The following MTMR9 variants were observed in gnomAD, a reference collection of about 807,000 sequenced individuals.
The protein encoded by MTMR9 is myotubularin-related protein 9.
MTMR9 carries 39 observed loss-of-function variants against 69.5 expected under a neutral mutation model. The ratio of observed to expected loss-of-function variants is 0.56; its 90% CI spans 0.43 to 0.73. MTMR9 has a LOEUF of 0.73. MTMR9 is among the 30% of genes least tolerant of loss of function. The pLI is 0.00. For missense variants in MTMR9, 900 were observed against 671.2 expected (o/e 1.34, Z -3.77); for synonymous variants, 354 against 240.8 (o/e 1.47, Z -4.35).
At chr8:11,287,265 C>T (rs1181089876) in intron 1 of MTMR9, among the ~76,000 whole-genome samples, 3 of 152,182 alleles carry the variant, frequency 2.0e-5, no homozygotes, top group African/African-American at 2.4e-5. Flanking sequence ...GTAGTTTCTC[C>T]ATGACCATCA....
Position 11,324,788 on chromosome 8 carries a change from T to G in MTMR9, c.*2000T>G, listed in dbSNP as rs1800852755. The G allele has an allele frequency of 6.6e-6, 1 of 152,268 alleles. No homozygotes were observed. The highest frequency in any genetic ancestry group is 1.5e-5 in the Non-Finnish European group (1 of 68,128). 9.4% of individuals were successfully genotyped at this position (152,268 alleles called of 1,614,324 possible). A position where few individuals can be genotyped will look rare whatever the true frequency, so the allele number is the denominator to read the frequency against. ...AGAAGGATCCCTTGAGCCTAGGAGG[T>G]TGAGGCTGCAGTGAGCTATGATCGC... is the stretch of plus-strand genomic sequence containing the variant. On this transcript the variant is annotated 3_prime_UTR_variant, in exon 10 of 10. Transcript: ENST00000221086.
downstream of MTMR9, among the ~76,000 whole-genome samples, chr8:11,329,961 C>T (rs533369140): frequency 5.6e-4 from 85 of 151,620 alleles, no homozygotes; most frequent in African/African-American, 1.5e-3. Flanking sequence ...CGTCTCTGCC[C>T]GGCCGCCCTG....
chr8:11,336,641 CA>C, the MTMR9 span, among the ~76,000 whole-genome samples: 1 of 152,186 alleles, frequency 6.6e-6, no homozygotes, highest in Non-Finnish European at 1.5e-5. Context: ...GGAAAGTAAG[CA>C]AATATACCCT....
rs1055454964 is a variant in MTMR9, at chr8:11,327,041, C to A, written c.*4253C>A. 8.6e-5 allele frequency: 13 copies of A among 150,642 alleles called. No individual in the cohort carries two copies. The highest frequency in any genetic ancestry group is 2.9e-4 in the African/African-American group (12 of 40,996). The allele number at this position is 150,642 out of a possible 1,614,324, so 9.3% of individuals were successfully genotyped here. A position where few individuals can be genotyped will look rare whatever the true frequency, so the allele number is the denominator to read the frequency against. ...TCAGATGATAAAATATATACTGATACTATAACTTTCTTATGGTATCAGTTT... is the reference window on the plus strand; with the variant it reads ...TCAGATGATAAAATATATACTGATAATATAACTTTCTTATGGTATCAGTTT... On this transcript the variant is annotated 3_prime_UTR_variant, in exon 10 of 10. Coordinates refer to ENST00000221086, the MANE Select transcript of MTMR9 (RefSeq NM_015458.4).
chr8:11,332,501 T>A (rs1801275467), downstream of MTMR9, among the ~76,000 whole-genome samples: 1 of 151,972 alleles, frequency 6.6e-6, no homozygotes, highest in Non-Finnish European at 1.5e-5. Flanking sequence ...AATATAAAAA[T>A]TATAGAAAGG....
intron 2 of MTMR9, chr8:11,298,814 C>G (rs1799650533): frequency 5.1e-6 from 5 of 982,490 alleles, no homozygotes; most frequent in African/African-American, 1.8e-5. Flanking sequence ...TTCCTTCTCT[C>G]TGTTCCTCCC....
intron 5 of MTMR9, among the ~76,000 whole-genome samples, chr8:11,307,032 A>C (rs1052482197): frequency 6.6e-6 from 1 of 152,160 alleles, no homozygotes; most frequent in Non-Finnish European, 1.5e-5. Flanking sequence ...ATCCAGGTTC[A>C]TCTGTGCTAT....
intron 2 of MTMR9, among the ~76,000 whole-genome samples, chr8:11,295,825 C>G (rs1163325312): frequency 1.3e-5 from 2 of 152,018 alleles, no homozygotes; most frequent in Non-Finnish European, 2.9e-5. Flanking sequence ...GTTAGAATTG[C>G]TTTTAGTCAC....
intron 8 of MTMR9, 161 bp downstream of exon 8, chr8:11,317,054 A>G (rs968409011): frequency 4.1e-6 from 2 of 483,854 alleles, no homozygotes; most frequent in Non-Finnish European, 7.1e-6. Flanking sequence ...CCTGAAGTAT[A>G]TTCTTTTATG....
chr8:11,305,104 C>T (rs1410929958), intron 4 of MTMR9, 90 bp downstream of exon 4: 4 of 1,243,208 alleles, frequency 3.2e-6, no homozygotes, highest in Non-Finnish European at 4.5e-6. Flanking sequence ...TCTGTCTGTT[C>T]ACTGAAATGA....
downstream of MTMR9, chr8:11,332,060 C>T: frequency 1.2e-6 from 2 of 1,611,740 alleles, no homozygotes; most frequent in Non-Finnish European, 1.7e-6. Flanking sequence ...TTGTGCTGGG[C>T]AGCATTGCCA....
chr8:11,329,726 C>T (rs536049911), downstream of MTMR9, among the ~76,000 whole-genome samples: 5 of 152,352 alleles, frequency 3.3e-5, no homozygotes, highest in Admixed American at 6.5e-5. Flanking sequence ...AGCCTCTGCC[C>T]GGCCGCCACC....
At chr8:11,313,213 T>C (rs1214429193) in intron 6 of MTMR9, among the ~76,000 whole-genome samples, 2 of 152,240 alleles carry the variant, frequency 1.3e-5, no homozygotes, top group East Asian at 3.8e-4. Flanking sequence ...TTCCAACTTT[T>C]CTTCTACAGC....
At chr8:11,289,934 C>G (rs1389788980) in intron 1 of MTMR9, among the ~76,000 whole-genome samples, 1 of 152,196 alleles carries the variant, frequency 6.6e-6, no homozygotes, top group African/African-American at 2.4e-5. Context: ...TAAACATACT[C>G]ATTCATGTCC....
intron 1 of MTMR9, among the ~76,000 whole-genome samples, chr8:11,288,564 A>G (rs2117348830): frequency 6.6e-6 from 1 of 152,096 alleles, no homozygotes; most frequent in South Asian, 2.1e-4. Flanking sequence ...CAGCGAATAC[A>G]AAGACTTGAG....
chr8:11,292,873 C>G (rs1799417470), intron 1 of MTMR9, among the ~76,000 whole-genome samples: 1 of 152,150 alleles, frequency 6.6e-6, no homozygotes, highest in Non-Finnish European at 1.5e-5. Flanking sequence ...AGTTACACAA[C>G]AATGTAGCAC....
At position 11,306,238 on chromosome 8, in the gene MTMR9, T is replaced by A. The variant is rs1202326685; in HGVS notation, c.640T>A (p.Cys214Ser). Residue 214 changes from cysteine (C) to serine (S), a missense_variant, in exon 5 of 10, where the codon TGC becomes AGC. By Grantham distance (112) the Cys-to-Ser change is moderately radical (BLOSUM62 -1). Coordinates refer to ENST00000221086, the MANE Select transcript of MTMR9 (RefSeq NM_015458.4). Reference protein sequence around the residue: ...QPLTGTNGRRCKEDEKLINAT... With the variant: ...QPLTGTNGRRSKEDEKLINAT... ...ACTCACTGGTACAAACGGGAGGAGGTGCAAGGAGGACGAGAAGCTGATAAA... is the reference window on the plus strand; with the variant it reads ...ACTCACTGGTACAAACGGGAGGAGGAGCAAGGAGGACGAGAAGCTGATAAA... 6.2e-7 allele frequency: 1 copy of A among 1,613,502 alleles called. No homozygotes were observed. Among genetic ancestry groups the A allele is most frequent in the South Asian group, 1.1e-5 (1 of 91,038 alleles).
chr8:11,306,149 A>C, intron 4 of MTMR9, 41 bp from the exon 5 acceptor site: 1 of 1,572,576 alleles, frequency 6.4e-7, no homozygotes, highest in Non-Finnish European at 8.7e-7. Context: ...GAAACTTTAA[A>C]AGCAACTGCT....
At chr8:11,291,737 GAGTT>G (rs1247651088) in intron 1 of MTMR9, among the ~76,000 whole-genome samples, 2 of 151,846 alleles carry the variant, frequency 1.3e-5, no homozygotes, top group Non-Finnish European at 1.5e-5. Context: ...CTTACAAAAT[GAGTT>G]AGTATGACAA....
Sources: gnomAD v4.1 joint callset for allele counts (sites outside exome capture counted in the v4.1 genomes callset) on GRCh38, gnomAD v4.1.1 for gene constraint, MANE v1.5 for transcripts, NCBI Gene and HGNC (gene_info 2026-07-23, HGNC 2026-07-21) for gene names.